The following NAALADL2 variants were observed in gnomAD, a reference collection of about 807,000 sequenced individuals.
The protein encoded by NAALADL2 is N-acetylated alpha-linked acidic dipeptidase like 2.
Under a neutral mutation model 87.2 loss-of-function variants are expected in NAALADL2, and 76 were observed. The ratio of observed to expected loss-of-function variants is 0.87; its 90% CI spans 0.72 to 1.05. NAALADL2 has a LOEUF of 1.05. NAALADL2 is among the 50% of genes least tolerant of loss of function. NAALADL2 has a pLI of 0.00. For synonymous variants in NAALADL2, 354 were observed against 331.0 expected, an observed-to-expected ratio of 1.07 and a Z score of -0.75; for missense variants, 1,089 against 945.8, an observed-to-expected ratio of 1.15 and a Z score of -1.99.
At position 174,938,550 on chromosome 3, in the gene NAALADL2, A is replaced by G. The variant is rs1360562244; in HGVS notation, c.43+79100A>G. 2.6e-5 allele frequency among the ~76,000 whole-genome samples: 4 copies of G among 152,036 alleles called. No individual in the cohort carries two copies. The East Asian group carries it at 7.7e-4, about 29-fold the overall frequency. ...CTCTGGGTATACACCCAATAATGGG[A>G]TTGCTGGGTCGAATGGTAGTTCTGC... On this transcript the variant is annotated intron_variant, in intron 1 of 13. Transcript: ENST00000454872.
At chr3:174,575,436 A>G (rs985561862) in intron 2 of NAALADL2, among the ~76,000 whole-genome samples, 3 of 152,178 alleles carry the variant, frequency 2.0e-5, no homozygotes, top group Non-Finnish European at 4.4e-5. Context: ...TTAAAGCCCA[A>G]ACATTTCCTA....
chr3:175,546,100 G>A (rs893802673), intron 9 of NAALADL2, among the ~76,000 whole-genome samples: 3 of 152,122 alleles, frequency 2.0e-5, no homozygotes, highest in African/African-American at 7.2e-5. Context: ...AAATGCTGAG[G>A]TATTAAGACA....
chr3:174,524,984 G>A (rs1367203339), intron 1 of NAALADL2, among the ~76,000 whole-genome samples: 1 of 152,170 alleles, frequency 6.6e-6, no homozygotes, highest in Non-Finnish European at 1.5e-5. Flanking sequence ...GTTGCCTAGA[G>A]TATTCAGTAG....
chr3:175,068,458 A>G (rs1714957908), intron 1 of NAALADL2, among the ~76,000 whole-genome samples: 1 of 152,106 alleles, frequency 6.6e-6, no homozygotes, highest in African/African-American at 2.4e-5. Flanking sequence ...ACAAAACAAA[A>G]CATTGAATGT....
intron 2 of NAALADL2, among the ~76,000 whole-genome samples, chr3:174,676,222 A>G (rs927015000): frequency 6.6e-6 from 1 of 152,180 alleles, no homozygotes; most frequent in Admixed American, 6.6e-5. Context: ...GGCTAAATGA[A>G]ATCTTCGATG....
chr3:175,341,780 A>G lies in NAALADL2; in HGVS notation c.1090+17455A>G, dbSNP rs115403090. ...GCCAACATCATAGACATTTACACCT[A>G]TGTTTCCTTCTAAGAGTTTTGTAGT... is the stretch of plus-strand genomic sequence containing the variant. On this transcript the variant is annotated intron_variant, in intron 5 of 13. Transcript: ENST00000454872. Among the ~76,000 whole-genome samples, 1,200 of 152,194 alleles carry G rather than the reference A, an allele frequency of 7.9e-3. 17 individuals carry two copies. The highest frequency in any genetic ancestry group is 0.026 in the African/African-American group (1,098 of 41,540).
Position 174,738,499 on chromosome 3 carries a change from G to C in NAALADL2, c.-9+753G>C, listed in dbSNP as rs142083391. On this transcript the variant is annotated intron_variant, in intron 3 of 3. Coordinates refer to the NAALADL2 transcript ENST00000434257. Reference sequence around the variant, plus strand: ...GGTCAGGCAAGTAATGCAGATTTAGGAAGTGGCTGGGTGTGAGACAGTAAA... The same window carrying C: ...GGTCAGGCAAGTAATGCAGATTTAGCAAGTGGCTGGGTGTGAGACAGTAAA... Among the ~76,000 whole-genome samples, 448 of 152,242 alleles carry C rather than the reference G, an allele frequency of 2.9e-3. 6 individuals are homozygous for C. Among genetic ancestry groups the C allele is most frequent in the Non-Finnish European group, 2.2e-3 (149 of 68,032 alleles).
chr3:175,295,888 A>T (rs1379419051), intron 4 of NAALADL2, among the ~76,000 whole-genome samples: 1 of 151,782 alleles, frequency 6.6e-6, no homozygotes, highest in Non-Finnish European at 1.5e-5. Flanking sequence ...ATACTTCATC[A>T]TGAGTTGGAA....
chr3:174,651,831 A>C (rs1724390705), intron 2 of NAALADL2, among the ~76,000 whole-genome samples: 1 of 152,336 alleles, frequency 6.6e-6, no homozygotes, highest in Admixed American at 6.5e-5. Context: ...TTTAAACTAA[A>C]CTTACTTATT....
At chr3:175,336,657 G>T (rs1762007012) in intron 5 of NAALADL2, among the ~76,000 whole-genome samples, 1 of 152,152 alleles carries the variant, frequency 6.6e-6, no homozygotes, top group Non-Finnish European at 1.5e-5. Flanking sequence ...TAATCTGGTT[G>T]ATTGTTTAAC....
At chr3:175,373,474 A>G (rs1483145360) in intron 5 of NAALADL2, among the ~76,000 whole-genome samples, 1 of 152,146 alleles carries the variant, frequency 6.6e-6, no homozygotes, top group Non-Finnish European at 1.5e-5. Context: ...TTTAAAATTC[A>G]TCCATGTTGT....
At chr3:175,150,140 A>C (rs1731331272) in intron 2 of NAALADL2, among the ~76,000 whole-genome samples, 1 of 152,174 alleles carries the variant, frequency 6.6e-6, no homozygotes, top group South Asian at 2.1e-4. Context: ...TGAGATTAAG[A>C]ATCTTTCTAT....
intron 2 of NAALADL2, among the ~76,000 whole-genome samples, chr3:175,147,973 G>C (rs1730990932): frequency 6.6e-6 from 1 of 151,714 alleles, no homozygotes; most frequent in Non-Finnish European, 1.5e-5. Context: ...GGGAGGCTGA[G>C]ACAATAGAAT....
intron 2 of NAALADL2, among the ~76,000 whole-genome samples, chr3:174,649,475 CTTTAT>C (rs779729698): frequency 2.6e-5 from 4 of 152,094 alleles, no homozygotes; most frequent in East Asian, 3.9e-4. Context: ...TTTCTTTGCT[CTTTAT>C]TTTATTTTTG....
At chr3:174,460,955 A>G (rs991370710) in intron 1 of NAALADL2, among the ~76,000 whole-genome samples, 13 of 151,976 alleles carry the variant, frequency 8.6e-5, no homozygotes, top group Non-Finnish European at 1.6e-4. Flanking sequence ...TGTAATCTGA[A>G]AAACCCCTTG....
chr3:175,034,238 T>TA (rs1215561229), intron 1 of NAALADL2, among the ~76,000 whole-genome samples: 1 of 152,112 alleles, frequency 6.6e-6, no homozygotes, highest in Admixed American at 6.6e-5. Context: ...TCTGCTTTTT[T>TA]AAAAAAAGCT....
chr3:174,633,598 G>A (rs1233750267), intron 2 of NAALADL2, among the ~76,000 whole-genome samples: 1 of 152,182 alleles, frequency 6.6e-6, no homozygotes, highest in African/African-American at 2.4e-5. Flanking sequence ...CTGCCAGGAA[G>A]TAATAACTGA....
intron 5 of NAALADL2, among the ~76,000 whole-genome samples, chr3:175,352,836 G>A (rs1407046354): frequency 1.3e-5 from 2 of 152,142 alleles, no homozygotes; most frequent in African/African-American, 4.8e-5. Context: ...GGGTGTGGGT[G>A]TGTGGGTGGT....
chr3:174,554,573 T>A (rs549387092), intron 2 of NAALADL2, among the ~76,000 whole-genome samples: 1 of 152,054 alleles, frequency 6.6e-6, no homozygotes, highest in African/African-American at 2.4e-5. Flanking sequence ...TTAAAAAAAA[T>A]CTATGAAGCA....
Sources: gnomAD v4.1 joint callset for allele counts (sites outside exome capture counted in the v4.1 genomes callset) on GRCh38, gnomAD v4.1.1 for gene constraint, MANE v1.5 for transcripts, NCBI Gene and HGNC (gene_info 2026-07-23, HGNC 2026-07-21) for gene names.